The following TRIM9 variants were observed in gnomAD, a reference collection of about 807,000 sequenced individuals.
TRIM9 encodes E3 ubiquitin-protein ligase TRIM9.
TRIM9 carries 26 observed loss-of-function variants against 78.3 expected under a neutral mutation model. The ratio of observed to expected loss-of-function variants is 0.33; its 90% CI spans 0.24 to 0.46. The LOEUF (loss-of-function observed/expected upper bound fraction) is 0.46, where lower values mean the gene tolerates loss of function less well. Among genes scored for constraint, TRIM9 ranks in the 20% least tolerant of loss-of-function variants. TRIM9 has a pLI of 1.00. For missense variants in TRIM9, 787 were observed against 1,036.4 expected (o/e 0.76, Z 3.30); for synonymous variants, 398 against 416.5 (o/e 0.96, Z 0.54).
At chr14:51,053,641 C>T (rs1172901611) in intron 1 of TRIM9, among the ~76,000 whole-genome samples, 4 of 125,914 alleles carry the variant, frequency 3.2e-5, no homozygotes, top group Non-Finnish European at 6.3e-5. Flanking sequence ...TACATGTGCA[C>T]ATTGTGCAGG....
chr14:51,023,028 C>T (rs1417336244), intron 2 of TRIM9, 71 bp from the exon 3 acceptor site: 76 of 1,593,494 alleles, frequency 4.8e-5, no homozygotes, highest in Non-Finnish European at 6.2e-5. Flanking sequence ...AACAGAGCTC[C>T]CCCATCCTGC....
At chr14:51,041,131 T>C (rs926082499) in intron 1 of TRIM9, among the ~76,000 whole-genome samples, 6 of 152,236 alleles carry the variant, frequency 3.9e-5, no homozygotes, top group Non-Finnish European at 7.3e-5. Flanking sequence ...TCCATTTCCA[T>C]GCAGTGAATT....
At position 50,976,123 on chromosome 14, in the gene TRIM9, T is replaced by A. The variant is rs995471451; in HGVS notation, c.*1168A>T. 6.6e-6 allele frequency: 1 copy of A among 152,610 alleles called. No homozygotes were observed. Among genetic ancestry groups the A allele is most frequent in the African/African-American group, 2.4e-5 (1 of 41,442 alleles). The allele number at this position is 152,610 out of a possible 1,614,324, so 9.5% of individuals were successfully genotyped here. Reference sequence around the variant, plus strand: ...TTGCCCTCTGGTCACTCTTTTTTTTTTCAACTGTCAATTTTTAAGGCGTGG... The same window carrying A: ...TTGCCCTCTGGTCACTCTTTTTTTTATCAACTGTCAATTTTTAAGGCGTGG... On this transcript the variant is annotated 3_prime_UTR_variant, in exon 13 of 13. Coordinates refer to ENST00000684578, the MANE Select transcript of TRIM9 (RefSeq NM_001387360.1).
Position 51,090,828 on chromosome 14 carries a change from C to T in TRIM9, c.822+3290G>A, listed in dbSNP as rs138695634. The T allele has an allele frequency of 5.9e-5, 9 of 152,236 alleles. No homozygotes were observed. The South Asian group carries it at 6.2e-4, about 11-fold the overall frequency. The allele number at this position is 152,236 out of a possible 1,614,324, so 9.4% of individuals were successfully genotyped here. ...GGTCAGGCTGGTCTTAAATCCTGGC[C>T]GCAAGAGATCTGACCGCCTCGGCCT... On this transcript the variant is annotated intron_variant, in intron 1 of 12. Transcript: ENST00000684578.
chr14:51,009,089 G>C lies in TRIM9; in HGVS notation c.1297C>G (p.Gln433Glu). ...GGATGCAAGGACATACCTTTCACTTGCACGAAATCCAGCTGGTGGATGGAT... is the reference window on the plus strand; with the variant it reads ...GGATGCAAGGACATACCTTTCACTTCCACGAAATCCAGCTGGTGGATGGAT... ...LQSIHQLDFV[Q>E]VKASSPVPAT... Residue 433 changes from glutamine (Q) to glutamate (E), a missense_variant, in exon 5 of 13, where the codon CAA (glutamine) becomes GAA (glutamate). Physicochemically the swap from Gln to Glu is conservative, Grantham distance 29. Coordinates refer to ENST00000684578, the MANE Select transcript of TRIM9 (RefSeq NM_001387360.1). 1 of 1,613,826 alleles carries C rather than the reference G, an allele frequency of 6.2e-7. No homozygotes were observed. The highest frequency in any genetic ancestry group is 8.5e-7 in the Non-Finnish European group (1 of 1,179,862).
chr14:51,002,517 T>C (rs2055214742), intron 5 of TRIM9, among the ~76,000 whole-genome samples: 1 of 152,136 alleles, frequency 6.6e-6, no homozygotes, highest in South Asian at 2.1e-4. Context: ...TTTAGTACTT[T>C]AATAACAGGA....
intron 1 of TRIM9, among the ~76,000 whole-genome samples, chr14:51,050,404 C>T (rs1308269949): frequency 1.3e-5 from 2 of 152,208 alleles, no homozygotes; most frequent in Non-Finnish European, 2.9e-5. Context: ...TCTTTGCCTG[C>T]CACCATGTAA....
At chr14:51,084,173 CTT>C (rs34201811) in intron 1 of TRIM9, among the ~76,000 whole-genome samples, 32 of 151,594 alleles carry the variant, frequency 2.1e-4, no homozygotes, top group African/African-American at 7.3e-4. Flanking sequence ...CTTTTCCACA[CTT>C]TTTTTTTATA....
intron 1 of TRIM9, among the ~76,000 whole-genome samples, chr14:51,033,135 G>A (rs563486586): frequency 3.3e-5 from 5 of 152,098 alleles, no homozygotes; most frequent in Non-Finnish European, 7.4e-5. Context: ...TGTCGCCCAG[G>A]CTGGAGTGCA....
intron 1 of TRIM9, among the ~76,000 whole-genome samples, chr14:51,076,887 C>T (rs1338384462): frequency 6.6e-6 from 1 of 152,166 alleles, no homozygotes; most frequent in Non-Finnish European, 1.5e-5. Flanking sequence ...AGCAGTAGAC[C>T]CTGGAACAGA....
intron 5 of TRIM9, among the ~76,000 whole-genome samples, chr14:51,002,744 CAT>C (rs1293412272): frequency 6.6e-6 from 1 of 152,134 alleles, no homozygotes; most frequent in Non-Finnish European, 1.5e-5. Context: ...GTGACTGTAA[CAT>C]AAGAAATGAG....
chr14:51,043,503 A>G (rs1202438344), intron 1 of TRIM9, among the ~76,000 whole-genome samples: 1 of 152,252 alleles, frequency 6.6e-6, no homozygotes, highest in African/African-American at 2.4e-5. Context: ...AGTTCTATCT[A>G]CAGCCTATCT....
intron 7 of TRIM9, among the ~76,000 whole-genome samples, chr14:50,992,368 G>A (rs760352790): frequency 6.6e-6 from 1 of 151,896 alleles, no homozygotes; most frequent in Non-Finnish European, 1.5e-5. Context: ...GCTTGAGGCC[G>A]GGAGTTTGAG....
chr14:51,074,244 C>T (rs960322247), intron 1 of TRIM9, among the ~76,000 whole-genome samples: 8 of 151,926 alleles, frequency 5.3e-5, no homozygotes, highest in African/African-American at 1.9e-4. Context: ...CATAGCAAGA[C>T]TCCGTCTCTA....
intron 1 of TRIM9, among the ~76,000 whole-genome samples, chr14:51,061,098 G>C (rs554296166): frequency 3.0e-4 from 45 of 152,198 alleles, no homozygotes; most frequent in Admixed American, 8.5e-4. Context: ...GTGTCTGCTC[G>C]AGTATTTTGT....
At chr14:50,984,711 A>G (rs936850402) in intron 8 of TRIM9, among the ~76,000 whole-genome samples, 2 of 152,226 alleles carry the variant, frequency 1.3e-5, no homozygotes, top group African/African-American at 4.8e-5. Context: ...TAAATACATT[A>G]TCATACATTT....
At chr14:50,985,727 T>C (rs2052616539) in intron 8 of TRIM9, among the ~76,000 whole-genome samples, 1 of 152,206 alleles carries the variant, frequency 6.6e-6, no homozygotes, top group South Asian at 2.1e-4. Context: ...CATCACTTTC[T>C]AATGCCGTAA....
intron 1 of TRIM9, among the ~76,000 whole-genome samples, chr14:51,056,436 T>C (rs4243568): frequency 0.49 from 75,261 of 152,072 alleles, 19,131 homozygotes; most frequent in African/African-American, 0.58. Context: ...TAAGCAAATT[T>C]ATCATGAAAT....
chr14:51,022,347 G>A (rs563748602), intron 3 of TRIM9, among the ~76,000 whole-genome samples: 1 of 152,136 alleles, frequency 6.6e-6, no homozygotes, highest in Non-Finnish European at 1.5e-5. Context: ...ATGCTCGCCT[G>A]TCCTTCTGCC....
Sources: allele counts gnomAD v4.1 joint callset (sites outside exome capture counted in the v4.1 genomes callset), GRCh38; gene constraint gnomAD v4.1.1; transcripts MANE v1.5; gene names NCBI Gene and HGNC (gene_info 2026-07-23, HGNC 2026-07-21).